SLC22A5: variants seen among roughly 807,000 people sequenced by gnomAD.
SLC22A5 encodes the protein solute carrier family 22 member 5, also known as organic cation/carnitine transporter 2.
Under a neutral mutation model 56.7 loss-of-function variants are expected in SLC22A5, and 44 were observed. The ratio of observed to expected loss-of-function variants is 0.78; its 90% CI spans 0.61 to 1.00. The LOEUF (loss-of-function observed/expected upper bound fraction) is 1.00, where lower values mean the gene tolerates loss of function less well. Ranked by LOEUF, SLC22A5 falls within the 50% of genes least tolerant of loss-of-function variation. The probability of loss-of-function intolerance (pLI) is 0.00; values close to 1 mark genes in which losing one functional copy is unlikely to be tolerated. For missense variants in SLC22A5, 675 were observed against 723.0 expected, an observed-to-expected ratio of 0.93 and a Z score of 0.76; for synonymous variants, 278 against 292.1, an observed-to-expected ratio of 0.95 and a Z score of 0.49.
chr5:132,388,282 T>TG (rs2126787416), intron 5 of SLC22A5, among the ~76,000 whole-genome samples: 1 of 152,346 alleles, frequency 6.6e-6, no homozygotes, highest in African/African-American at 2.4e-5. Context: ...GACCTTTTGT[T>TG]GAACTTCTAA....
In SLC22A5 at chr5:132,374,758, C is replaced by CAA. The variant is rs34965096; in HGVS notation, c.394-3607_394-3606dup. Among the ~76,000 whole-genome samples the CAA allele has an allele frequency of 5.0e-3, 693 of 138,276 alleles. 3 individuals are homozygous for CAA. The highest frequency in any genetic ancestry group is 8.0e-3 in the Non-Finnish European group (506 of 62,912). The allele number at this position is 138,276 out of a possible 152,430, so 90.7% of individuals were successfully genotyped here. A position where few individuals can be genotyped will look rare whatever the true frequency, so the allele number is the denominator to read the frequency against. Reference sequence around the variant, plus strand: ...GACACAAAGCAGGGGGTCAGGGAGCCAAAAAAAAAAAAAATGGCCAGGTGT... The same window carrying CAA: ...GACACAAAGCAGGGGGTCAGGGAGCCAAAAAAAAAAAAAAAATGGCCAGGTGT... On this transcript the variant is annotated intron_variant, in intron 1 of 9. Transcript: ENST00000245407.
intron 2 of SLC22A5, chr5:132,383,716 G>T (rs184376826): frequency 4.2e-6 from 1 of 237,396 alleles, no homozygotes; most frequent in Non-Finnish European, 8.4e-6. Context: ...TCTATTATTG[G>T]TTGCTGTTCA....
chr5:132,382,409 A>G (rs1377209658), intron 2 of SLC22A5: 2 of 128,002 alleles, frequency 1.6e-5, no homozygotes. Context: ...TTCTTTAACC[A>G]TGCTGGCTAA....
intron 1 of SLC22A5, 105 bp from the exon 2 acceptor site, chr5:132,378,273 G>A: frequency 1.2e-6 from 2 of 1,613,948 alleles, no homozygotes; most frequent in Non-Finnish European, 1.7e-6. Flanking sequence ...CACACTCAGA[G>A]CGTGTGGGGA....
At chr5:132,386,673 C>T (rs570645006) in intron 4 of SLC22A5, among the ~76,000 whole-genome samples, 1 of 152,302 alleles carries the variant, frequency 6.6e-6, no homozygotes, top group East Asian at 1.9e-4. Flanking sequence ...AGGGCCTGGG[C>T]TGACATAGAC....
In SLC22A5 at chr5:132,370,179, G is replaced by A. The variant is rs377767446; in HGVS notation, c.207G>A (p.Leu69=). ...CCTGGCGCAACCACACTGTCCCACT[G>A]CGGCTGCGGGACGGCCGCGAGGTGC... The part of the protein sequence containing the change: ...SSAWRNHTVP[L]RLRDGREVPH... Residue 69 remains leucine (L), a synonymous_variant, in exon 1 of 10, where the codon CTG becomes CTA. Transcript: ENST00000245407. 1.7e-5 allele frequency: 27 copies of A among 1,600,934 alleles called. No homozygotes were observed. The highest frequency in any genetic ancestry group is 2.1e-5 in the Non-Finnish European group (25 of 1,174,174).
At chr5:132,373,257 C>T (rs1328125489) in intron 1 of SLC22A5, among the ~76,000 whole-genome samples, 1 of 152,198 alleles carries the variant, frequency 6.6e-6, no homozygotes. Flanking sequence ...AAATGTGACT[C>T]CCCCTGCCCA....
At chr5:132,394,128 G>T in intron 9 of SLC22A5, 57 bp from the exon 10 acceptor site, 1 of 1,115,794 alleles carries the variant, frequency 9.0e-7, no homozygotes, top group Non-Finnish European at 1.4e-6. Context: ...TTTGTTTGGA[G>T]ACTGGGAGGC....
intron 7 of SLC22A5, 41 bp from the exon 8 acceptor site, chr5:132,392,392 G>A (rs1390482142): frequency 2.5e-6 from 4 of 1,569,532 alleles, no homozygotes; most frequent in South Asian, 1.1e-5. Context: ...GCATGCCATG[G>A]GTTGGTACCT....
At position 132,385,500 on chromosome 5, in the gene SLC22A5, G is replaced by A. The variant is rs1417000465; in HGVS notation, c.824+1G>A. The A allele has an allele frequency of 6.2e-7, 1 of 1,614,032 alleles. No individual in the cohort carries two copies. The highest frequency in any genetic ancestry group is 8.5e-7 in the Non-Finnish European group (1 of 1,179,892). Reference sequence around the variant, plus strand: ...GGGTGCTATGCGTGGCACTCTGGTGGTGAGTGTGACCTTGTGCCCCATGTG... The same window carrying A: ...GGGTGCTATGCGTGGCACTCTGGTGATGAGTGTGACCTTGTGCCCCATGTG... On this transcript the variant is annotated splice_donor_variant, in intron 4 of 9. Transcript: ENST00000245407. LOFTEE classifies it high-confidence loss of function.
At chr5:132,372,585 T>A (rs1403171430) in intron 1 of SLC22A5, among the ~76,000 whole-genome samples, 2 of 152,220 alleles carry the variant, frequency 1.3e-5, no homozygotes, top group African/African-American at 2.4e-5. Flanking sequence ...TTTTGTTTTT[T>A]AATATTTAGA....
intron 5 of SLC22A5, 129 bp downstream of exon 5, chr5:132,387,280 T>TTCCCCCCA: frequency 9.2e-7 from 1 of 1,091,490 alleles, no homozygotes; most frequent in Non-Finnish European, 1.4e-6. Context: ...CAACTGCCCA[T>TTCCCCCCA]TCCCCCCATC....
chr5:132,393,660 G>A lies in SLC22A5; in HGVS notation c.1451-16G>A, dbSNP rs140988771. 1.1e-3 allele frequency: 1,827 copies of A among 1,614,014 alleles called. 7 individuals are homozygous for A. Among genetic ancestry groups the A allele is most frequent in the African/African-American group, 0.011 (836 of 75,016 alleles). ...ACTGCAGCCCTGGGCCTGAGGCTCC[G>A]TCTGCTTTGCCATAGGTGCCTACGA... On this transcript the variant is annotated splice_polypyrimidine_tract_variant and intron_variant, in intron 8 of 9. Transcript: ENST00000245407.
intron 1 of SLC22A5, among the ~76,000 whole-genome samples, chr5:132,374,422 C>T (rs1752058670): frequency 6.6e-6 from 1 of 152,114 alleles, no homozygotes; most frequent in South Asian, 2.1e-4. Flanking sequence ...TCACTGTTAT[C>T]CCCAAAGCTG....
In SLC22A5 at chr5:132,394,304, G is replaced by A. The variant is rs1752806896; in HGVS notation, c.*32G>A. On this transcript the variant is annotated 3_prime_UTR_variant, in exon 10 of 10. Transcript: ENST00000245407. ...TTCCAGTAAGGGAGAAACTGAAGAG[G>A]AAAGACTGTCTTGCCAGAAATGGCC... 1.3e-6 allele frequency: 2 copies of A among 1,489,946 alleles called. No individual in the cohort carries two copies. The highest frequency in any genetic ancestry group is 4.5e-5 in the East Asian group (2 of 44,314). The allele number at this position is 1,489,946 out of a possible 1,614,324, so 92.3% of individuals were successfully genotyped here.
chr5:132,393,575 G>A (rs1752777353), intron 8 of SLC22A5, 101 bp from the exon 9 acceptor site: 2 of 1,372,680 alleles, frequency 1.5e-6, no homozygotes, highest in Admixed American at 3.4e-5. Flanking sequence ...GACCAAGAAG[G>A]AAAGTGATCC....
Position 132,370,192 on chromosome 5 carries a change from G to C in SLC22A5, c.220G>C (p.Gly74Arg), listed in dbSNP as rs1228158561. 1.1e-5 allele frequency: 17 copies of C among 1,594,212 alleles called. No individual in the cohort carries two copies. Among genetic ancestry groups the C allele is most frequent in the Non-Finnish European group, 1.5e-5 (17 of 1,170,672 alleles). Residue 74 changes from glycine to arginine, a missense_variant, in exon 1 of 10, where the codon GGC becomes CGC. By Grantham distance (125) the Gly-to-Arg change is moderately radical (BLOSUM62 -2). Coordinates refer to ENST00000245407, the MANE Select transcript of SLC22A5 (RefSeq NM_003060.4). Reference sequence around the variant, plus strand: ...CACTGTCCCACTGCGGCTGCGGGACGGCCGCGAGGTGCCCCACAGCTGCCG... The same window carrying C: ...CACTGTCCCACTGCGGCTGCGGGACCGCCGCGAGGTGCCCCACAGCTGCCG... The part of the protein sequence containing the change: ...NHTVPLRLRD[G>R]REVPHSCRRY...
At position 132,370,364 on chromosome 5, in the gene SLC22A5, A is replaced by G. The variant is rs1220019969; in HGVS notation, c.392A>G (p.Glu131Gly). The G allele has an allele frequency of 6.2e-7, 1 of 1,611,982 alleles. No homozygotes were observed. Among genetic ancestry groups the G allele is most frequent in the South Asian group, 1.1e-5 (1 of 90,788 alleles). ...GTCTACCTGTCCACCATTGTGACCG[A>G]GGTGGGTGCCGGCCCCTGCTGGGGC... Reference protein sequence around the residue: ...QDVYLSTIVTEWNLVCEDDWK... With the variant: ...QDVYLSTIVTGWNLVCEDDWK... Residue 131 changes from glutamate (E) to glycine (G), a missense_variant and splice_region_variant, in exon 1 of 10, where the codon GAG (glutamate) becomes GGG (glycine). By Grantham distance (98) the Glu-to-Gly change is moderately conservative (BLOSUM62 -2). Coordinates refer to ENST00000245407, the MANE Select transcript of SLC22A5 (RefSeq NM_003060.4).
intron 1 of SLC22A5, among the ~76,000 whole-genome samples, chr5:132,375,582 G>A (rs181983713): frequency 2.0e-5 from 3 of 152,186 alleles, no homozygotes; most frequent in Admixed American, 6.5e-5. Context: ...TGCCAATTAT[G>A]TATGAGGTAT....
Sources: gnomAD v4.1 joint callset for allele counts (sites outside exome capture counted in the v4.1 genomes callset) on GRCh38, gnomAD v4.1.1 for gene constraint, MANE v1.5 for transcripts, NCBI Gene and HGNC (gene_info 2026-07-23, HGNC 2026-07-21) for gene names.